Variants in CNTNAP2 observed in about 807,000 individuals in gnomAD.
CNTNAP2 encodes the protein contactin associated protein 2, also known as contactin-associated protein-like 2.
In CNTNAP2, 98 loss-of-function variants were observed where a neutral mutation model predicts 155.2. The ratio of observed to expected loss-of-function variants is 0.63; its 90% CI spans 0.54 to 0.75. The LOEUF is 0.75. Ranked by LOEUF, CNTNAP2 falls within the 30% of genes least tolerant of loss-of-function variation. The pLI is 0.00. For synonymous variants in CNTNAP2, 651 were observed against 631.2 expected (o/e 1.03, Z -0.47); for missense variants, 1,727 against 1,688.1 (o/e 1.02, Z -0.40).
Position 147,124,789 on chromosome 7 carries a change from A to G in CNTNAP2, c.939+3626A>G, listed in dbSNP as rs536531357. On this transcript the variant is annotated intron_variant, in intron 6 of 23. Transcript: ENST00000361727. The stretch of plus-strand genomic sequence containing the variant: ...GCGTAAATTAAATATACTTACCACA[A>G]TTTCTGGAGATGAACATCATGAAAG... Among the ~76,000 whole-genome samples the G allele has an allele frequency of 2.6e-5, 4 of 151,912 alleles. No individual in the cohort carries two copies. The East Asian group carries it at 7.8e-4, about 30-fold the overall frequency.
chr7:146,569,879 C>T (rs951636312), intron 1 of CNTNAP2, among the ~76,000 whole-genome samples: 7 of 152,138 alleles, frequency 4.6e-5, no homozygotes, highest in African/African-American at 1.7e-4. Flanking sequence ...AATGAGATGG[C>T]CTCACAAGTG....
At chr7:147,414,941 C>CAGAAA (rs1797166032) in intron 10 of CNTNAP2, among the ~76,000 whole-genome samples, 1 of 50,980 alleles carries the variant, frequency 2.0e-5, no homozygotes, top group African/African-American at 6.6e-5. Context: ...GACTCCTTCT[C>CAGAAA]AAAAAAAAAA....
chr7:148,235,301 T>G (rs1395368202), intron 20 of CNTNAP2, among the ~76,000 whole-genome samples: 1 of 152,180 alleles, frequency 6.6e-6, no homozygotes, highest in East Asian at 1.9e-4. Flanking sequence ...GTCAAAAACA[T>G]TAGCAACATG....
intron 13 of CNTNAP2, among the ~76,000 whole-genome samples, chr7:147,689,906 A>G (rs1035199621): frequency 6.6e-6 from 1 of 152,166 alleles, no homozygotes; most frequent in Non-Finnish European, 1.5e-5. Context: ...TATTTCAGCA[A>G]TATTTTCCTT....
intron 14 of CNTNAP2, among the ~76,000 whole-genome samples, chr7:147,933,764 G>A (rs1800553288): frequency 6.6e-6 from 1 of 152,120 alleles, no homozygotes; most frequent in South Asian, 2.1e-4. Flanking sequence ...TGGAGAGGCT[G>A]AGGTGGGAGA....
At chr7:148,297,750 A>G (rs1179009385) in intron 21 of CNTNAP2, among the ~76,000 whole-genome samples, 1 of 152,098 alleles carries the variant, frequency 6.6e-6, no homozygotes, top group Non-Finnish European at 1.5e-5. Context: ...GAGAAGGGGT[A>G]TGTTGGATCA....
At chr7:146,363,981 G>A (rs1795120943) in intron 1 of CNTNAP2, among the ~76,000 whole-genome samples, 2 of 152,016 alleles carry the variant, frequency 1.3e-5, no homozygotes, top group Admixed American at 1.3e-4. Flanking sequence ...GATGGAAGAG[G>A]GACATTCTTT....
chr7:146,164,051 T>A (rs1367969342), intron 1 of CNTNAP2, among the ~76,000 whole-genome samples: 1 of 152,202 alleles, frequency 6.6e-6, no homozygotes, highest in Non-Finnish European at 1.5e-5. Context: ...TATGTTTAGG[T>A]AGAATTAGTG....
chr7:148,300,419 T>A (rs1013368781), intron 21 of CNTNAP2, among the ~76,000 whole-genome samples: 2 of 152,204 alleles, frequency 1.3e-5, no homozygotes, highest in Non-Finnish European at 2.9e-5. Context: ...TTGGAGAGCA[T>A]CAGCATATGA....
intron 13 of CNTNAP2, among the ~76,000 whole-genome samples, chr7:147,762,058 A>C (rs1797309919): frequency 6.6e-6 from 1 of 152,078 alleles, no homozygotes; most frequent in African/African-American, 2.4e-5. Context: ...AATTTCCATC[A>C]TAGTCTCACT....
chr7:146,956,413 T>C (rs1483542885), intron 3 of CNTNAP2, among the ~76,000 whole-genome samples: 8 of 152,186 alleles, frequency 5.3e-5, no homozygotes, highest in Non-Finnish European at 8.8e-5. Flanking sequence ...AAGTTTCCTC[T>C]TGAATCTGAG....
At chr7:147,272,850 A>G (rs955009889) in intron 8 of CNTNAP2, among the ~76,000 whole-genome samples, 1 of 152,008 alleles carries the variant, frequency 6.6e-6, no homozygotes, top group Non-Finnish European at 1.5e-5. Flanking sequence ...AGTGTGATTT[A>G]AATCTACTTA....
chr7:146,858,523 G>A (rs1040925576), intron 3 of CNTNAP2, among the ~76,000 whole-genome samples: 3 of 152,146 alleles, frequency 2.0e-5, no homozygotes, highest in Middle Eastern at 3.2e-3. Flanking sequence ...GCAAAACCGT[G>A]TTTCTACAAA....
chr7:148,011,751 G>C (rs918084699), intron 15 of CNTNAP2, among the ~76,000 whole-genome samples: 1 of 152,178 alleles, frequency 6.6e-6, no homozygotes, highest in Non-Finnish European at 1.5e-5. Flanking sequence ...TACTCAAACT[G>C]TAGACCTCTG....
At position 146,639,553 on chromosome 7, in the gene CNTNAP2, A is replaced by G. The variant is rs75126554; in HGVS notation, c.98-134718A>G. 3.2e-4 allele frequency among the ~76,000 whole-genome samples: 49 copies of G among 152,310 alleles called. 2 individuals carry two copies. The East Asian group carries it at 9.3e-3, about 29-fold the overall frequency. ...AAAATATATTTTCTTACCTCTCACT[A>G]CCATTTACTATGATACATTTACTAA... is the stretch of plus-strand genomic sequence containing the variant. On this transcript the variant is annotated intron_variant, in intron 1 of 23. Transcript: ENST00000361727.
intron 8 of CNTNAP2, among the ~76,000 whole-genome samples, chr7:147,232,919 T>C (rs920461870): frequency 2.0e-5 from 3 of 151,484 alleles, no homozygotes; most frequent in African/African-American, 7.3e-5. Flanking sequence ...GTTTCTCTAG[T>C]TCAATCATAA....
intron 8 of CNTNAP2, among the ~76,000 whole-genome samples, chr7:147,242,984 TGC>T (rs1803973839): frequency 7.1e-6 from 1 of 141,788 alleles, no homozygotes; most frequent in African/African-American, 2.7e-5. Flanking sequence ...CACTATGCTT[TGC>T]ATTTTTTTTT....
At chr7:146,795,868 T>C (rs1001824153) in intron 2 of CNTNAP2, among the ~76,000 whole-genome samples, 6 of 152,176 alleles carry the variant, frequency 3.9e-5, no homozygotes, top group Non-Finnish European at 1.5e-5. Context: ...GCAGTGTGTA[T>C]TGTATAATAA....
At chr7:146,460,211 C>A (rs1181101767) in intron 1 of CNTNAP2, among the ~76,000 whole-genome samples, 1 of 152,066 alleles carries the variant, frequency 6.6e-6, no homozygotes, top group Non-Finnish European at 1.5e-5. Context: ...AGCTTCACAG[C>A]AAAAGCAGTT....
Sources: gnomAD v4.1 joint callset for allele counts (sites outside exome capture counted in the v4.1 genomes callset) on GRCh38, gnomAD v4.1.1 for gene constraint, MANE v1.5 for transcripts, NCBI Gene and HGNC (gene_info 2026-07-23, HGNC 2026-07-21) for gene names.